Variants in KAZN observed in about 807,000 individuals in gnomAD.
KAZN encodes the protein kazrin, periplakin interacting protein, also known as kazrin.
A neutral mutation model predicts 87.4 loss-of-function variants in KAZN; 40 were observed. The ratio of observed to expected loss-of-function variants is 0.46; its 90% CI spans 0.36 to 0.60. The LOEUF (loss-of-function observed/expected upper bound fraction) is 0.60. KAZN is among the 20% of genes least tolerant of loss of function. The pLI is 0.00. For missense variants in KAZN, 898 were observed against 1,073.9 expected, an observed-to-expected ratio of 0.84 and a Z score of 2.29; for synonymous variants, 466 against 458.3, an observed-to-expected ratio of 1.02 and a Z score of -0.22.
At chr1:14,105,961 G>A (rs150761990) in intron 1 of KAZN, among the ~76,000 whole-genome samples, 5 of 152,272 alleles carry the variant, frequency 3.3e-5, no homozygotes, top group South Asian at 2.1e-4. Context: ...TTCTCTACCC[G>A]CTCCTTGCAG....
intron 1 of KAZN, among the ~76,000 whole-genome samples, chr1:14,666,167 G>A (rs141523275): frequency 2.0e-5 from 3 of 151,928 alleles, no homozygotes; most frequent in Non-Finnish European, 2.9e-5. Flanking sequence ...TTTCCCTGCC[G>A]TCTCAGCGAG....
At chr1:15,111,380 T>C (rs1641615682) in intron 13 of KAZN, among the ~76,000 whole-genome samples, 1 of 152,164 alleles carries the variant, frequency 6.6e-6, no homozygotes, top group Non-Finnish European at 1.5e-5. Context: ...GTGATTCTCC[T>C]GAGGTTCAAT....
intron 1 of KAZN, among the ~76,000 whole-genome samples, chr1:14,759,303 T>C (rs1206244348): frequency 6.6e-6 from 1 of 152,166 alleles, no homozygotes; most frequent in Non-Finnish European, 1.5e-5. Context: ...GGTAGTGCCG[T>C]GGCTATGTGA....
rs116515739 is a variant in KAZN, at chr1:14,462,392, C to T, written c.250-136591C>T. ...CCCTGTCTGTTCACCAACTGCTGTT[C>T]CACTTGTATATTTCAAAAGTAATAA... On this transcript the variant is annotated intron_variant, in intron 2 of 16. Transcript: ENST00000636203. Among the ~76,000 whole-genome samples the T allele has an allele frequency of 4.5e-3, 679 of 152,170 alleles. 19 individuals carry two copies. The highest frequency in any genetic ancestry group is 1.2e-3 in the East Asian group (6 of 5,148).
intron 1 of KAZN, among the ~76,000 whole-genome samples, chr1:14,674,802 T>C (rs548310279): frequency 2.0e-4 from 31 of 152,156 alleles, no homozygotes; most frequent in Non-Finnish European, 3.1e-4. Flanking sequence ...CTTTTCTTTT[T>C]TTTTAAGACT....
chr1:14,093,595 T>C (rs957931070), intron 1 of KAZN, among the ~76,000 whole-genome samples: 3 of 152,070 alleles, frequency 2.0e-5, no homozygotes, highest in African/African-American at 7.2e-5. Flanking sequence ...CCTGAGACAA[T>C]TGGGACATTC....
In KAZN at chr1:14,355,629, G is replaced by A. The variant is rs145014554; in HGVS notation, c.249+175037G>A. 4.7e-3 allele frequency among the ~76,000 whole-genome samples: 716 copies of A among 152,060 alleles called. 4 individuals carry two copies. Among genetic ancestry groups the A allele is most frequent in the Non-Finnish European group, 7.0e-3 (473 of 68,016 alleles). Reference sequence around the variant, plus strand: ...TGGTGTGTGATGTTTCCCTCCCTGCGTCCATGTGTTCTCCTTGTTCAACTC... The same window carrying A: ...TGGTGTGTGATGTTTCCCTCCCTGCATCCATGTGTTCTCCTTGTTCAACTC... On this transcript the variant is annotated intron_variant, in intron 2 of 16. Coordinates refer to the KAZN transcript ENST00000636203.
chr1:14,957,553 G>A (rs748308101), intron 1 of KAZN, among the ~76,000 whole-genome samples: 6 of 152,222 alleles, frequency 3.9e-5, no homozygotes, highest in Non-Finnish European at 5.9e-5. Flanking sequence ...GAGCCTCCAC[G>A]TCACTACGGG....
chr1:13,949,630 G>A (rs192464448), intron 1 of KAZN, among the ~76,000 whole-genome samples: 15 of 152,166 alleles, frequency 9.9e-5, no homozygotes, highest in East Asian at 1.9e-4. Flanking sequence ...GCCAAGCAGC[G>A]TCCTTAGCAC....
At chr1:14,568,189 T>C (rs1433339377) in intron 2 of KAZN, among the ~76,000 whole-genome samples, 1 of 152,102 alleles carries the variant, frequency 6.6e-6, no homozygotes, top group East Asian at 1.9e-4. Context: ...CTCCTGGCCT[T>C]GAGGAAGCAC....
intron 1 of KAZN, among the ~76,000 whole-genome samples, chr1:14,752,091 AAG>A (rs1644428619): frequency 6.6e-6 from 1 of 152,170 alleles, no homozygotes; most frequent in Non-Finnish European, 1.5e-5. Flanking sequence ...GAAAGGAAGC[AAG>A]AGAGAGAGGT....
At chr1:14,326,247 G>C (rs931280215) in intron 2 of KAZN, among the ~76,000 whole-genome samples, 1 of 152,076 alleles carries the variant, frequency 6.6e-6, no homozygotes, top group Non-Finnish European at 1.5e-5. Context: ...AAGGAAAAGA[G>C]AACTCTATGC....
At chr1:14,543,525 C>T (rs1213880142) in intron 2 of KAZN, among the ~76,000 whole-genome samples, 2 of 152,158 alleles carry the variant, frequency 1.3e-5, no homozygotes, top group Admixed American at 6.5e-5. Context: ...TCATCGGTAC[C>T]TTTAGAAATT....
intron 1 of KAZN, among the ~76,000 whole-genome samples, chr1:14,935,633 G>A (rs1477924341): frequency 6.6e-6 from 1 of 152,140 alleles, no homozygotes; most frequent in East Asian, 1.9e-4. Flanking sequence ...TGAGCAAGGT[G>A]GCTCTAGAAA....
At chr1:14,262,308 G>A (rs1651098170) in intron 2 of KAZN, among the ~76,000 whole-genome samples, 2 of 152,138 alleles carry the variant, frequency 1.3e-5, no homozygotes, top group Admixed American at 1.3e-4. Flanking sequence ...ACATAGCTAT[G>A]GCAGAAACCC....
At chr1:14,870,772 G>T (rs1014454534) in intron 1 of KAZN, among the ~76,000 whole-genome samples, 1 of 152,178 alleles carries the variant, frequency 6.6e-6, no homozygotes. Flanking sequence ...GGCATTTGTT[G>T]TGAAGGTTGT....
At chr1:14,410,791 A>G (rs1049057461) in intron 2 of KAZN, among the ~76,000 whole-genome samples, 1 of 152,200 alleles carries the variant, frequency 6.6e-6, no homozygotes, top group African/African-American at 2.4e-5. Flanking sequence ...GGTGTGGCCA[A>G]TAACCAAAAG....
intron 2 of KAZN, among the ~76,000 whole-genome samples, chr1:14,411,003 G>A (rs1189170246): frequency 2.6e-5 from 4 of 152,100 alleles, no homozygotes; most frequent in African/African-American, 9.7e-5. Context: ...GCATCCCTAG[G>A]AAACGAACAC....
Position 14,656,064 on chromosome 1 carries a change from G to C in KAZN, c.226+56841G>C, listed in dbSNP as rs1430300909. Among the ~76,000 whole-genome samples, 3 of 152,158 alleles carry C rather than the reference G, an allele frequency of 2.0e-5. No homozygotes were observed. The East Asian group carries it at 5.8e-4, about 29-fold the overall frequency. On this transcript the variant is annotated intron_variant, in intron 1 of 14. Transcript: ENST00000376030. The stretch of plus-strand genomic sequence containing the variant: ...ACTTGGGACCTCCATCCCCTGTATA[G>C]CCTGTGTTCCATGGGACAGGATGGG...
Sources: allele counts gnomAD v4.1 joint callset (sites outside exome capture counted in the v4.1 genomes callset), GRCh38; gene constraint gnomAD v4.1.1; transcripts MANE v1.5; gene names NCBI Gene and HGNC (gene_info 2026-07-23, HGNC 2026-07-21).